DENND5A: variants seen among roughly 807,000 people sequenced by gnomAD.
DENND5A encodes DENN domain-containing protein 5A.
In DENND5A, 64 loss-of-function variants were observed where a neutral mutation model predicts 140.3. The ratio of observed to expected loss-of-function variants is 0.46; its 90% CI spans 0.37 to 0.56. DENND5A has a LOEUF of 0.56. Ranked by LOEUF, DENND5A falls within the 20% of genes least tolerant of loss-of-function variation. The pLI is 0.00. For synonymous variants in DENND5A, 605 were observed against 607.7 expected (o/e 1.00, Z 0.07); for missense variants, 1,292 against 1,593.8 (o/e 0.81, Z 3.22).
At chr11:9,160,996 A>G in intron 11 of DENND5A, 131 bp from the exon 12 acceptor site, 1 of 880,430 alleles carries the variant, frequency 1.1e-6, no homozygotes, top group South Asian at 1.7e-5. Context: ...CCCCAAGGAC[A>G]CAGAATATAT....
chr11:9,255,317 G>A (rs55989000), intron 1 of DENND5A, among the ~76,000 whole-genome samples: 8,915 of 152,224 alleles, frequency 0.059, 361 homozygotes, highest in South Asian at 0.1. Context: ...ACGGCCGGGC[G>A]CGGTGGCTCA....
chr11:9,185,863 C>CTG (rs1217740925), intron 5 of DENND5A, among the ~76,000 whole-genome samples: 1 of 150,868 alleles, frequency 6.6e-6, no homozygotes, highest in African/African-American at 2.4e-5. Context: ...TCTGTGTTGT[C>CTG]TGTGTGTGTG....
intron 5 of DENND5A, among the ~76,000 whole-genome samples, chr11:9,186,400 A>G (rs1848913918): frequency 6.6e-6 from 1 of 152,224 alleles, no homozygotes; most frequent in Non-Finnish European, 1.5e-5. Flanking sequence ...AGCCCTGTCC[A>G]TACACCTAAC....
Position 9,239,087 on chromosome 11 carries a change from C to A in DENND5A, c.109+25874G>T, listed in dbSNP as rs1851127161. Among the ~76,000 whole-genome samples, 4 of 151,966 alleles carry A rather than the reference C, an allele frequency of 2.6e-5. No individual in the cohort carries two copies. In the South Asian group the frequency reaches 6.2e-4, roughly 24 times the overall value. The stretch of plus-strand genomic sequence containing the variant: ...CCTCAGGTGATCTGCCCACCTCAGC[C>A]TTCCAAAATGCTGGGATTACAGGTG... On this transcript the variant is annotated intron_variant, in intron 1 of 22. Transcript: ENST00000328194.
intron 15 of DENND5A, among the ~76,000 whole-genome samples, chr11:9,148,707 G>A (rs1403763936): frequency 6.6e-6 from 1 of 152,230 alleles, no homozygotes; most frequent in East Asian, 1.9e-4. Context: ...CAAAAAATCT[G>A]AGAGTAAAGT....
chr11:9,172,784 T>C (rs1172420340), intron 8 of DENND5A, among the ~76,000 whole-genome samples: 6 of 152,122 alleles, frequency 3.9e-5, no homozygotes. Flanking sequence ...AAACTAATTA[T>C]AAAGTGAGAA....
intron 10 of DENND5A, among the ~76,000 whole-genome samples, chr11:9,167,075 T>G (rs1848214588): frequency 6.6e-6 from 1 of 152,158 alleles, no homozygotes; most frequent in Non-Finnish European, 1.5e-5. Context: ...ACTGCAATTA[T>G]TTTGTATAAT....
At chr11:9,147,808 TC>T (rs1363423212) in intron 15 of DENND5A, among the ~76,000 whole-genome samples, 1 of 152,158 alleles carries the variant, frequency 6.6e-6, no homozygotes, top group Non-Finnish European at 1.5e-5. Context: ...TTCCAGGCCC[TC>T]CGCAGCTTCA....
chr11:9,258,251 T>A (rs963143342), intron 1 of DENND5A, among the ~76,000 whole-genome samples: 6 of 152,082 alleles, frequency 3.9e-5, no homozygotes, highest in African/African-American at 1.4e-4. Flanking sequence ...CATTAGGTAT[T>A]TCTCCTAATG....
chr11:9,235,265 G>A (rs1019623189), intron 1 of DENND5A, among the ~76,000 whole-genome samples: 9 of 152,100 alleles, frequency 5.9e-5, no homozygotes, highest in African/African-American at 9.7e-5. Flanking sequence ...AATATGGTAC[G>A]TATTATTCAT....
intron 1 of DENND5A, among the ~76,000 whole-genome samples, chr11:9,251,905 C>A (rs1044199493): frequency 5.3e-5 from 8 of 151,792 alleles, no homozygotes; most frequent in Admixed American, 1.3e-4. Context: ...AGGAGAATGG[C>A]GTGAACCTAG....
At chr11:9,184,364 A>C (rs1045226852) in intron 5 of DENND5A, among the ~76,000 whole-genome samples, 8 of 152,160 alleles carry the variant, frequency 5.3e-5, no homozygotes, top group African/African-American at 1.4e-4. Context: ...AAAGAAAAAA[A>C]AAAAAGACAT....
chr11:9,259,724 G>A (rs577284606), intron 1 of DENND5A, among the ~76,000 whole-genome samples: 1 of 152,030 alleles, frequency 6.6e-6, no homozygotes, highest in South Asian at 2.1e-4. Context: ...CTCTTCTAAA[G>A]GTGACATTAA....
intron 6 of DENND5A, among the ~76,000 whole-genome samples, chr11:9,180,229 G>C (rs1479650279): frequency 2.0e-5 from 3 of 152,022 alleles, no homozygotes; most frequent in African/African-American, 7.3e-5. Flanking sequence ...AAGGCTGGAG[G>C]ACTGCTTGAG....
chr11:9,151,740 G>A (rs1191170298), intron 13 of DENND5A, among the ~76,000 whole-genome samples: 1 of 152,194 alleles, frequency 6.6e-6, no homozygotes, highest in African/African-American at 2.4e-5. Context: ...CAGAGCAGGA[G>A]ATAAGATGAC....
chr11:9,182,107 G>C (rs1375551170), intron 5 of DENND5A, among the ~76,000 whole-genome samples: 1 of 152,134 alleles, frequency 6.6e-6, no homozygotes, highest in African/African-American at 2.4e-5. Context: ...CCTGAGGTCA[G>C]AGGTTTGAGA....
intron 1 of DENND5A, among the ~76,000 whole-genome samples, chr11:9,249,704 T>C (rs756646889): frequency 5.9e-5 from 9 of 152,010 alleles, no homozygotes; most frequent in Non-Finnish European, 8.8e-5. Flanking sequence ...CCCACCACCA[T>C]GCCTGGCTAA....
intron 10 of DENND5A, among the ~76,000 whole-genome samples, chr11:9,166,559 C>T (rs772800980): frequency 3.3e-5 from 5 of 152,088 alleles, no homozygotes; most frequent in Admixed American, 1.3e-4. Context: ...TCAGGCAAGG[C>T]GCAGTGGCTC....
intron 15 of DENND5A, among the ~76,000 whole-genome samples, chr11:9,148,984 C>T (rs1378333484): frequency 5.9e-5 from 9 of 152,178 alleles, no homozygotes; most frequent in African/African-American, 2.2e-4. Flanking sequence ...AAAGAGTAAG[C>T]GGAGAAAGAG....
Sources: gnomAD v4.1 joint callset for allele counts (sites outside exome capture counted in the v4.1 genomes callset) on GRCh38, gnomAD v4.1.1 for gene constraint, MANE v1.5 for transcripts, NCBI Gene and HGNC (gene_info 2026-07-23, HGNC 2026-07-21) for gene names.